The following RGS12 variants were observed in gnomAD, a reference collection of about 807,000 sequenced individuals.
RGS12 encodes regulator of G protein signaling 12.
A neutral mutation model predicts 120.1 loss-of-function variants in RGS12; 66 were observed. The observed-to-expected ratio is 0.55, with a 90% CI of 0.45 to 0.67. The LOEUF is 0.67. Among genes scored for constraint, RGS12 ranks in the 30% least tolerant of loss-of-function variants. The pLI, the probability that RGS12 is intolerant of heterozygous loss-of-function variation, is 0.00. For synonymous variants in RGS12, 827 were observed against 804.7 expected, an observed-to-expected ratio of 1.03 and a Z score of -0.47; for missense variants, 1,859 against 1,957.7, an observed-to-expected ratio of 0.95 and a Z score of 0.95.
At chr4:3,292,817 T>G (rs1723107328), upstream of RGS12, among the ~76,000 whole-genome samples, 4 of 151,834 alleles carry the variant, frequency 2.6e-5, no homozygotes, top group South Asian at 8.3e-4. Flanking sequence ...GTCCCTCGCT[T>G]CTTCTCATCC....
chr4:3,375,188 C>G (rs1717508169), intron 3 of RGS12, among the ~76,000 whole-genome samples: 1 of 152,184 alleles, frequency 6.6e-6, no homozygotes, highest in African/African-American at 2.4e-5. Flanking sequence ...GAGACAGTCG[C>G]TGAGTCTTGG....
At chr4:3,421,550 T>G (rs1490434187) in intron 10 of RGS12, among the ~76,000 whole-genome samples, 1 of 152,262 alleles carries the variant, frequency 6.6e-6, no homozygotes, top group Non-Finnish European at 1.5e-5. Flanking sequence ...TCTGGTTACC[T>G]GGCACGTGAG....
intron 7 of RGS12, 42 bp from the exon 8 acceptor site, chr4:3,416,871 G>A: frequency 1.3e-6 from 2 of 1,547,774 alleles, no homozygotes; most frequent in Non-Finnish European, 1.8e-6. Flanking sequence ...CTGCATGTCT[G>A]GGTCCCTCCT....
chr4:3,382,687 C>G (rs996596399), intron 3 of RGS12, among the ~76,000 whole-genome samples: 15 of 151,902 alleles, frequency 9.9e-5, no homozygotes, highest in Admixed American at 1.3e-4. Flanking sequence ...TCCCTCTGTA[C>G]TGTGGTCAGT....
At chr4:3,387,420 G>T (rs1718971845) in intron 4 of RGS12, among the ~76,000 whole-genome samples, 1 of 152,192 alleles carries the variant, frequency 6.6e-6, no homozygotes, top group Non-Finnish European at 1.5e-5. Context: ...CAGCCACTCT[G>T]TAGGAAGGCC....
intron 1 of RGS12, among the ~76,000 whole-genome samples, chr4:3,315,727 A>C (rs1044604182): frequency 1.1e-4 from 17 of 152,232 alleles, no homozygotes; most frequent in Non-Finnish European, 1.5e-4. Flanking sequence ...TCTGCCTTTC[A>C]GACGGGCTGC....
At position 3,420,774 on chromosome 4, in the gene RGS12, C is replaced by G. The variant is rs562729363; in HGVS notation, c.2838+56C>G. The G allele has an allele frequency of 6.0e-6, 8 of 1,342,722 alleles. No individual in the cohort carries two copies. The Admixed American group carries it at 1.1e-4, about 18-fold the overall frequency. The allele number at this position is 1,342,722 out of a possible 1,614,324, so 83.2% of individuals were successfully genotyped here. A position where few individuals can be genotyped will look rare whatever the true frequency, so the allele number is the denominator to read the frequency against. The stretch of plus-strand genomic sequence containing the variant: ...CCTCAGGGGTGTCCCCACCAGCTGA[C>G]TGATGACACCTCTCTCCCATGGAAA... On this transcript the variant is annotated intron_variant, in intron 10 of 17. Coordinates refer to ENST00000336727, the MANE Select transcript of RGS12 (RefSeq NM_001394154.1).
At chr4:3,418,486 G>A (rs1000813507) in intron 9 of RGS12, 1 of 152,352 alleles carries the variant, frequency 6.6e-6, no homozygotes, top group Non-Finnish European at 1.5e-5. Context: ...AGGTGATTGC[G>A]ATAGCACCAG....
At chr4:3,309,238 G>T (rs13133291) in intron 1 of RGS12, among the ~76,000 whole-genome samples, 22 of 69,130 alleles carry the variant, frequency 3.2e-4, no homozygotes, top group African/African-American at 1.4e-3. Context: ...GCTGGGACTC[G>T]GGAATGGCAG....
chr4:3,362,804 TGA>T (rs754654756), intron 3 of RGS12, among the ~76,000 whole-genome samples: 38 of 146,234 alleles, frequency 2.6e-4, no homozygotes, highest in Admixed American at 5.4e-4. Flanking sequence ...TGTGTGAATA[TGA>T]GAGTGAGGGT....
intron 4 of RGS12, among the ~76,000 whole-genome samples, chr4:3,404,645 A>G (rs990914334): frequency 2.6e-5 from 4 of 152,244 alleles, no homozygotes; most frequent in Non-Finnish European, 5.9e-5. Flanking sequence ...TGGAGGCGTC[A>G]GTATGAACCG....
the RGS12 span, among the ~76,000 whole-genome samples, chr4:3,286,125 C>G: frequency 6.6e-6 from 1 of 152,232 alleles, no homozygotes; most frequent in African/African-American, 2.4e-5. Flanking sequence ...TCTGGTTATT[C>G]GTGAGGCCAC....
At chr4:3,411,770 G>T (rs370126804) in intron 4 of RGS12, among the ~76,000 whole-genome samples, 18 of 152,406 alleles carry the variant, frequency 1.2e-4, no homozygotes, top group African/African-American at 4.8e-5. Flanking sequence ...TGCCACATGG[G>T]GGGGAGTCTT....
chr4:3,380,516 G>A (rs1313696591), intron 3 of RGS12, among the ~76,000 whole-genome samples: 1 of 152,174 alleles, frequency 6.6e-6, no homozygotes, highest in Non-Finnish European at 1.5e-5. Context: ...GGTTCTGCAC[G>A]AGGGCCCCAC....
intron 16 of RGS12, 57 bp downstream of exon 16, chr4:3,428,768 T>C (rs1178069169): frequency 2.1e-6 from 3 of 1,442,566 alleles, no homozygotes; most frequent in Admixed American, 4.2e-5. Flanking sequence ...TAGTTTCCAG[T>C]ATAGTCAGTA....
intron 4 of RGS12, among the ~76,000 whole-genome samples, chr4:3,403,759 A>G (rs1256751429): frequency 6.6e-6 from 1 of 152,196 alleles, no homozygotes; most frequent in East Asian, 1.9e-4. Flanking sequence ...CTTCCTCCGC[A>G]AGCCAGCCCC....
intron 4 of RGS12, among the ~76,000 whole-genome samples, chr4:3,394,164 T>C (rs564161808): frequency 1.0e-3 from 154 of 152,194 alleles, no homozygotes; most frequent in African/African-American, 3.2e-3. Flanking sequence ...AGCACATCTT[T>C]TTTTTTTTTC....
chr4:3,306,664 C>T (rs552627055), intron 1 of RGS12, among the ~76,000 whole-genome samples: 1 of 152,276 alleles, frequency 6.6e-6, no homozygotes, highest in South Asian at 2.1e-4. Flanking sequence ...TGCACAGGGC[C>T]TGGGGAGGCA....
chr4:3,415,835 T>A, intron 6 of RGS12, 143 bp from the exon 7 acceptor site: 2 of 815,658 alleles, frequency 2.5e-6, no homozygotes, highest in Non-Finnish European at 3.8e-6. Flanking sequence ...TGGCCACACT[T>A]TTATTTATTT....
Sources: allele counts gnomAD v4.1 joint callset (sites outside exome capture counted in the v4.1 genomes callset), GRCh38; gene constraint gnomAD v4.1.1; transcripts MANE v1.5; gene names NCBI Gene and HGNC (gene_info 2026-07-23, HGNC 2026-07-21).